NSMAF: variants seen among roughly 807,000 people sequenced by gnomAD.
NSMAF encodes protein FAN.
In NSMAF, 90 loss-of-function variants were observed where a neutral mutation model predicts 134.9. The observed-to-expected ratio is 0.67, with a 90% CI of 0.56 to 0.79. The LOEUF is 0.79. Ranked by LOEUF, NSMAF falls within the 30% of genes least tolerant of loss-of-function variation. The pLI is 0.00. For missense variants in NSMAF, 1,010 were observed against 1,119.0 expected (o/e 0.90, Z 1.39); for synonymous variants, 358 against 389.6 (o/e 0.92, Z 0.96).
chr8:58,628,374 C>A (rs1806984057), intron 6 of NSMAF, among the ~76,000 whole-genome samples: 1 of 152,126 alleles, frequency 6.6e-6, no homozygotes, highest in South Asian at 2.1e-4. Context: ...AAACATCTTA[C>A]AGTTATAATA....
At chr8:58,601,942 C>T (rs1409392128) in intron 14 of NSMAF, 116 bp downstream of exon 14, 27 of 753,096 alleles carry the variant, frequency 3.6e-5, no homozygotes, top group African/African-American at 9.0e-5. Context: ...AAAAACTCTA[C>T]GTAGAGTCAC....
intron 5 of NSMAF, among the ~76,000 whole-genome samples, 157 bp from the exon 6 acceptor site, chr8:58,631,703 C>T (rs1807061673): frequency 6.6e-6 from 1 of 152,006 alleles, no homozygotes; most frequent in Admixed American, 6.6e-5. Flanking sequence ...ACTAGTATGG[C>T]TTTAAAGTAC....
intron 21 of NSMAF, 32 bp downstream of exon 21, chr8:58,597,355 G>T: frequency 6.3e-7 from 1 of 1,584,242 alleles, no homozygotes; most frequent in Non-Finnish European, 8.7e-7. Flanking sequence ...GAAACAAAAG[G>T]TGCTCACGTT....
intron 19 of NSMAF, 66 bp downstream of exon 19, chr8:58,599,166 C>T: frequency 6.9e-7 from 1 of 1,457,908 alleles, no homozygotes; most frequent in Admixed American, 2.0e-5. Context: ...TTTCATTTTC[C>T]AATGAAAATG....
In NSMAF at chr8:58,643,232, T is replaced by C. The variant is rs185471067; in HGVS notation, c.60-159A>G. Among the ~76,000 whole-genome samples, 953 of 152,342 alleles carry C rather than the reference T, an allele frequency of 6.3e-3. 6 individuals carry two copies. Among genetic ancestry groups the C allele is most frequent in the Middle Eastern group, 0.01 (3 of 294 alleles). ...ATGCCAGGCAGTCCTCTCTACCCAGTGGCGGGAAGTACATAGCTGGGCTTG... is the reference window on the plus strand; with the variant it reads ...ATGCCAGGCAGTCCTCTCTACCCAGCGGCGGGAAGTACATAGCTGGGCTTG... On this transcript the variant is annotated intron_variant, in intron 1 of 30. Transcript: ENST00000038176.
At chr8:58,586,066 T>G (rs896314613) in intron 28 of NSMAF, 66 bp from the exon 29 acceptor site, 73 of 1,279,562 alleles carry the variant, frequency 5.7e-5, no homozygotes, top group African/African-American at 1.2e-4. Flanking sequence ...TTATTCTGGA[T>G]TTTATTTCTG....
intron 6 of NSMAF, among the ~76,000 whole-genome samples, chr8:58,629,865 C>T (rs1050634413): frequency 1.3e-5 from 2 of 152,166 alleles, no homozygotes; most frequent in Non-Finnish European, 2.9e-5. Flanking sequence ...GTCTGCTGTA[C>T]CACAGGTCCT....
At position 58,590,021 on chromosome 8, in the gene NSMAF, T is replaced by C. The variant is rs1805985780; in HGVS notation, c.2073A>G (p.Ser691=). ...CAGATACATACACATTATTATCCCA[T>C]GAAGAAGTTATGACAGTGGCATCTC... The part of the protein sequence containing the change: ...LPGDATVITS[S]WDNNVYFYSI... Residue 691 remains serine (S), a synonymous_variant, in exon 25 of 31, where the codon TCA becomes TCG. Coordinates refer to ENST00000038176, the MANE Select transcript of NSMAF (RefSeq NM_003580.4). 8 of 1,613,642 alleles carry C rather than the reference T, an allele frequency of 5.0e-6. No individual in the cohort carries two copies. Among genetic ancestry groups the C allele is most frequent in the African/African-American group, 2.7e-5 (2 of 74,902 alleles).
At chr8:58,656,918 A>G (rs1357872159) in intron 1 of NSMAF, among the ~76,000 whole-genome samples, 2 of 152,246 alleles carry the variant, frequency 1.3e-5, no homozygotes, top group African/African-American at 2.4e-5. Flanking sequence ...AAATTTTAGT[A>G]TAAGTACATA....
In NSMAF at chr8:58,634,367, C is replaced by T. The variant is rs138347708; in HGVS notation, c.333+822G>A. 6.9e-4 allele frequency among the ~76,000 whole-genome samples: 105 copies of T among 152,304 alleles called. 1 individual carries two copies. The East Asian group carries it at 0.014, about 20-fold the overall frequency. On this transcript the variant is annotated intron_variant, in intron 5 of 30. Coordinates refer to ENST00000038176, the MANE Select transcript of NSMAF (RefSeq NM_003580.4). ...TGATAGAAAAAGTGCTGGGAGCATG[C>T]TCTTCCCCTCCCCATCTGCCTCCTA...
At chr8:58,597,298 C>T (rs113368984) in intron 21 of NSMAF, 89 bp downstream of exon 21, 13,486 of 1,143,464 alleles carry the variant, frequency 0.012, 102 homozygotes, top group Non-Finnish European at 0.015. Flanking sequence ...AGTAGCACAA[C>T]AGTATACGTC....
intron 1 of NSMAF, among the ~76,000 whole-genome samples, chr8:58,655,892 G>A (rs1807695964): frequency 6.6e-6 from 1 of 151,272 alleles, no homozygotes; most frequent in African/African-American, 2.4e-5. Context: ...GGGCGAGAGT[G>A]AGACTCCGTC....
chr8:58,590,169 T>A lies in NSMAF; in HGVS notation c.2020-95A>T, dbSNP rs1445234370. The A allele has an allele frequency of 2.9e-6, 3 of 1,042,912 alleles. No individual in the cohort carries two copies. In the East Asian group the frequency reaches 7.7e-5, roughly 27 times the overall value. 64.6% of individuals were successfully genotyped at this position (1,042,912 alleles called of 1,614,324 possible). Reference sequence around the variant, plus strand: ...TTATACATTTCCGAAAAATTAATGCTCAAATCGTCTTTATGTGGCTCTCCT... The same window carrying A: ...TTATACATTTCCGAAAAATTAATGCACAAATCGTCTTTATGTGGCTCTCCT... On this transcript the variant is annotated intron_variant, in intron 24 of 30. Coordinates refer to ENST00000038176, the MANE Select transcript of NSMAF (RefSeq NM_003580.4).
At chr8:58,640,551 A>ACTGGAAAAG (rs1336097264) in intron 2 of NSMAF, among the ~76,000 whole-genome samples, 1 of 133,278 alleles carries the variant, frequency 7.5e-6, no homozygotes, top group African/African-American at 2.7e-5. Context: ...CAATATTGCA[A>ACTGGAAAAG]CTGGAAAAGT....
At chr8:58,594,194 G>A in intron 23 of NSMAF, 38 bp downstream of exon 23, 2 of 1,587,632 alleles carry the variant, frequency 1.3e-6, no homozygotes, top group South Asian at 1.1e-5. Context: ...GACATTCTAG[G>A]ATTTTGGTTA....
intron 16 of NSMAF, among the ~76,000 whole-genome samples, chr8:58,600,633 A>T (rs982168182): frequency 6.7e-6 from 1 of 148,292 alleles, no homozygotes; most frequent in African/African-American, 2.6e-5. Flanking sequence ...AAAAAAAAAA[A>T]AAAAAAAAAA....
intron 1 of NSMAF, chr8:58,659,258 G>A (rs1403793553): frequency 9.9e-6 from 15 of 1,508,770 alleles, no homozygotes; most frequent in Admixed American, 2.1e-5. Context: ...GCGGCCTTCC[G>A]GGTGAGCTGC....
At chr8:58,633,641 T>C (rs957280892) in intron 5 of NSMAF, among the ~76,000 whole-genome samples, 12 of 152,194 alleles carry the variant, frequency 7.9e-5, no homozygotes, top group Non-Finnish European at 1.3e-4. Context: ...ATAATACTTA[T>C]TGAATCCATG....
intron 6 of NSMAF, among the ~76,000 whole-genome samples, chr8:58,625,955 T>C (rs544527577): frequency 1.1e-4 from 16 of 152,230 alleles, no homozygotes; most frequent in African/African-American, 3.4e-4. Context: ...AGGTGGTTTT[T>C]GGTTACATAA....
Sources: gnomAD v4.1 joint callset for allele counts (sites outside exome capture counted in the v4.1 genomes callset) on GRCh38, gnomAD v4.1.1 for gene constraint, MANE v1.5 for transcripts, NCBI Gene and HGNC (gene_info 2026-07-23, HGNC 2026-07-21) for gene names.